ZDBF2: variants seen among roughly 807,000 people sequenced by gnomAD.
ZDBF2 encodes DBF4-type zinc finger-containing protein 2.
In ZDBF2, 6 loss-of-function variants were observed where a neutral mutation model predicts 9.4. The ratio of observed to expected loss-of-function variants is 0.64; its 90% CI spans 0.35 to 1.27. ZDBF2 has a LOEUF of 1.27. Among genes scored for constraint, ZDBF2 ranks in the 50% most tolerant of loss-of-function variants. ZDBF2 has a pLI of 0.03. For missense variants in ZDBF2, 2,697 were observed against 2,766.8 expected (o/e 0.97, Z 0.57); for synonymous variants, 905 against 946.3 (o/e 0.96, Z 0.80).
In ZDBF2 at chr2:206,281,781, T is replaced by G. The variant is rs534373788; in HGVS notation, c.-49-20T>G. ...GAGTAAGGAATTATGATTTTTACCA[T>G]TTTTCTTTTTGTTTTTCAGCTTGAG... On this transcript the variant is annotated intron_variant, in intron 2 of 4. Coordinates refer to ENST00000374423, the MANE Select transcript of ZDBF2 (RefSeq NM_020923.3). 6.9e-7 allele frequency: 1 copy of G among 1,455,804 alleles called. No individual in the cohort carries two copies. The highest frequency in any genetic ancestry group is 1.9e-5 in the Admixed American group (1 of 53,676). 90.2% of individuals were successfully genotyped at this position (1,455,804 alleles called of 1,614,324 possible).
chr2:206,308,604 G>C lies in ZDBF2; in HGVS notation c.4076G>C (p.Ser1359Thr), dbSNP rs754989430. The change falls in exon 5 of 5, where the codon AGT (serine) becomes ACT (threonine). Residue 1359 changes from serine (S) to threonine (T), a missense_variant. Physicochemically the swap from Ser to Thr is moderately conservative, Grantham distance 58. Coordinates refer to ENST00000374423, the MANE Select transcript of ZDBF2 (RefSeq NM_020923.3). ...EEHASLEDKSSNSYSPEESSD... is the reference protein window; with the variant it reads ...EEHASLEDKSTNSYSPEESSD... The stretch of plus-strand genomic sequence containing the variant: ...CATGCCAGTCTGGAAGATAAGAGCA[G>C]TAATTCTTATAGTCCTGAAGAAAGT... 1 of 1,613,286 alleles carries C rather than the reference G, an allele frequency of 6.2e-7. No homozygotes were observed. Among genetic ancestry groups the C allele is most frequent in the Non-Finnish European group, 8.5e-7 (1 of 1,179,834 alleles).
chr2:206,285,071 A>G (rs569002022), intron 3 of ZDBF2, among the ~76,000 whole-genome samples: 13 of 152,260 alleles, frequency 8.5e-5, no homozygotes, highest in Middle Eastern at 3.4e-3. Context: ...GATTGATTCT[A>G]TATCTTAGCT....
chr2:206,306,820 G>T lies in ZDBF2; in HGVS notation c.2292G>T (p.Gln764His). Residue 764 changes from glutamine to histidine, a missense_variant, in exon 5 of 5, where the codon CAG becomes CAT. Transcript: ENST00000374423. Reference protein sequence around the residue: ...SDPPLLSVTEQSHLDAEGKER... With the variant: ...SDPPLLSVTEHSHLDAEGKER... Reference sequence around the variant, plus strand: ...CGCCTCTTCTGTCAGTTACTGAGCAGTCTCATCTGGATGCTGAAGGAAAAG... The same window carrying T: ...CGCCTCTTCTGTCAGTTACTGAGCATTCTCATCTGGATGCTGAAGGAAAAG... The T allele has an allele frequency of 6.2e-7, 1 of 1,613,884 alleles. No homozygotes were observed. Among genetic ancestry groups the T allele is most frequent in the Admixed American group, 1.7e-5 (1 of 60,020 alleles).
At position 206,308,156 on chromosome 2, in the gene ZDBF2, G is replaced by A; in HGVS notation, c.3628G>A (p.Val1210Met). 1 of 1,613,928 alleles carries A rather than the reference G, an allele frequency of 6.2e-7. No individual in the cohort carries two copies. The highest frequency in any genetic ancestry group is 1.1e-5 in the South Asian group (1 of 91,068). ...SFDSDDPLQS[V>M]ADRLRETVKE... ...TGATTCTGATGACCCTCTTCAGTCA[G>A]TGGCTGACCGGCTGAGAGAAACCGT... Residue 1210 changes from valine (V) to methionine (M), a missense_variant, in exon 5 of 5, where the codon GTG becomes ATG. Around this residue, in one of 3 missense-constraint regions of ZDBF2, gnomAD observed 1,783 missense variants for 1,776.5 expected, o/e 1.00. Transcript: ENST00000374423.
intron 3 of ZDBF2, among the ~76,000 whole-genome samples, chr2:206,289,477 C>G (rs1453357626): frequency 9.1e-6 from 1 of 109,814 alleles, no homozygotes; most frequent in Non-Finnish European, 2.3e-5. Context: ...GAAGTGGCTT[C>G]ACTTCTTCTT....
intron 3 of ZDBF2, among the ~76,000 whole-genome samples, chr2:206,286,090 T>C (rs1691585701): frequency 6.6e-6 from 1 of 152,234 alleles, no homozygotes; most frequent in Non-Finnish European, 1.5e-5. Flanking sequence ...TTCAATTCTT[T>C]TGTATTTGGA....
intron 3 of ZDBF2, chr2:206,292,063 A>G (rs1691924358): frequency 2.5e-6 from 1 of 398,290 alleles, no homozygotes; most frequent in South Asian, 1.3e-4. Context: ...CAGAAGGAAA[A>G]TGATTCCCGA....
rs369845735 is a variant in ZDBF2, at chr2:206,309,807, C to T, written c.5279C>T (p.Thr1760Ile). 36 of 1,613,730 alleles carry T rather than the reference C, an allele frequency of 2.2e-5. No individual in the cohort carries two copies. The African/African-American group carries it at 4.4e-4, about 20-fold the overall frequency. Residue 1760 changes from threonine (T) to isoleucine (I), a missense_variant, in exon 5 of 5, where the codon ACT (threonine) becomes ATT (isoleucine). Thr to Ile is a moderately conservative substitution (Grantham distance 89). This residue lies in a region of ZDBF2 where 1,783 missense variants were observed against 1,776.5 expected (regional missense o/e 1.00). Coordinates refer to ENST00000374423, the MANE Select transcript of ZDBF2 (RefSeq NM_020923.3). ...FQCAPPLPSD[T>I]DQPQETVKKR... ...TGTGCTCCCCCTCTTCCATCTGATA[C>T]TGATCAGCCTCAAGAAACTGTTAAG...
Position 206,285,095 on chromosome 2 carries a change from C to T in ZDBF2, c.60+3186C>T, listed in dbSNP as rs1435997922. ...TATATCTTAGCTATTGTGAACAGTG[C>T]TGTAGTAATAAACATGGGGATGCAG... On this transcript the variant is annotated intron_variant, in intron 3 of 4. Coordinates refer to ENST00000374423, the MANE Select transcript of ZDBF2 (RefSeq NM_020923.3). Among the ~76,000 whole-genome samples the T allele has an allele frequency of 2.6e-5, 4 of 152,264 alleles. No homozygotes were observed. The East Asian group carries it at 7.7e-4, about 29-fold the overall frequency.
Position 206,307,728 on chromosome 2 carries a change from A to T in ZDBF2, c.3200A>T (p.Asn1067Ile), listed in dbSNP as rs762798841. 1 of 1,613,630 alleles carries T rather than the reference A, an allele frequency of 6.2e-7. No homozygotes were observed. The highest frequency in any genetic ancestry group is 1.7e-5 in the Admixed American group (1 of 59,976). ...QLAFLKEKHV[N>I]LKDKNSKSGD... is the part of the protein sequence containing the mutation. ...GCTTTTTTGAAGGAAAAACATGTTA[A>T]TCTGAAGGACAAAAACAGTAAATCA... Residue 1067 changes from asparagine to isoleucine, a missense_variant, in exon 5 of 5, where the codon AAT becomes ATT. Physicochemically the swap from Asn to Ile is moderately radical, Grantham distance 149. Coordinates refer to ENST00000374423, the MANE Select transcript of ZDBF2 (RefSeq NM_020923.3).
intron 3 of ZDBF2, among the ~76,000 whole-genome samples, chr2:206,292,560 A>C (rs1691950857): frequency 6.6e-6 from 1 of 152,176 alleles, no homozygotes; most frequent in Non-Finnish European, 1.5e-5. Context: ...AGAAAAATAA[A>C]AATGATAAAG....
chr2:206,309,888 C>T lies in ZDBF2; in HGVS notation c.5360C>T (p.Ser1787Phe), dbSNP rs577548128. Residue 1787 changes from serine to phenylalanine, a missense_variant, in exon 5 of 5, where the codon TCC becomes TTC. Transcript: ENST00000374423. ...SSDLKEKNHD[S>F]QSSSVLKVDS... is the part of the protein sequence containing the mutation. ...GACTTGAAAGAAAAGAACCATGATT[C>T]CCAGTCAAGCTCTGTTCTCAAGGTT... The T allele has an allele frequency of 2.5e-6, 4 of 1,613,926 alleles. No individual in the cohort carries two copies. The East Asian group carries it at 6.7e-5, about 27-fold the overall frequency.
Position 206,305,206 on chromosome 2 carries a change from A to T in ZDBF2, c.678A>T (p.Lys226Asn). ...AATGTGACCCAAACAAAGTTGAGAA[A>T]TATCTTGAACAGCCAGATGGGGCCT... ...VSKCDPNKVE[K>N]YLEQPDGASR... Residue 226 changes from lysine to asparagine, a missense_variant, in exon 5 of 5, where the codon AAA becomes AAT. By Grantham distance (94) the Lys-to-Asn change is moderately conservative. Coordinates refer to ENST00000374423, the MANE Select transcript of ZDBF2 (RefSeq NM_020923.3). The T allele has an allele frequency of 6.2e-7, 1 of 1,613,858 alleles. No homozygotes were observed. Among genetic ancestry groups the T allele is most frequent in the Non-Finnish European group, 8.5e-7 (1 of 1,179,824 alleles).
In ZDBF2 at chr2:206,310,310, A is replaced by G. The variant is rs942711834; in HGVS notation, c.5782A>G (p.Lys1928Glu). ...TCATCCTCCAGCAGAGAGGCCTCCT[A>G]AGCAAAAGGGGCGTGTGGCTTCTCA... ...HRHPPAERPPKQKGRVASQCQ... is the reference protein window; with the variant it reads ...HRHPPAERPPEQKGRVASQCQ... Residue 1928 changes from lysine (K) to glutamate (E), a missense_variant, in exon 5 of 5, where the codon AAG becomes GAG. By Grantham distance (56) the Lys-to-Glu change is moderately conservative. Coordinates refer to ENST00000374423, the MANE Select transcript of ZDBF2 (RefSeq NM_020923.3). 1.9e-6 allele frequency: 3 copies of G among 1,613,850 alleles called. No homozygotes were observed. The highest frequency in any genetic ancestry group is 1.3e-5 in the African/African-American group (1 of 74,914).
chr2:206,281,188 T>C (rs74895529), intron 2 of ZDBF2, among the ~76,000 whole-genome samples: 13,275 of 152,274 alleles, frequency 0.087, 830 homozygotes, highest in Admixed American at 0.19. Flanking sequence ...TAGAGAAATC[T>C]AAACAGTAAT....
intron 3 of ZDBF2, among the ~76,000 whole-genome samples, chr2:206,289,727 C>T (rs373837502): frequency 6.6e-6 from 1 of 152,136 alleles, no homozygotes; most frequent in Non-Finnish European, 1.5e-5. Context: ...GTGGTGTTGA[C>T]CCCAGACGGC....
rs953386937 is a variant in ZDBF2 at position 206,314,372 on chromosome 2, G to A, written c.*2779G>A. 1 of 149,616 alleles carries A rather than the reference G, an allele frequency of 6.7e-6. No homozygotes were observed. The highest frequency in any genetic ancestry group is 2.5e-5 in the African/African-American group (1 of 40,520). 9.3% of individuals were successfully genotyped at this position (149,616 alleles called of 1,614,324 possible). The stretch of plus-strand genomic sequence containing the variant: ...ACTAATGTATTTTTTATATTGCAGT[G>A]TAAAAGCTAAACTTGTTTTTGATGT... On this transcript the variant is annotated 3_prime_UTR_variant, in exon 5 of 5. Transcript: ENST00000374423.
Position 206,307,831 on chromosome 2 carries a change from T to A in ZDBF2, c.3303T>A (p.Val1101=), listed in dbSNP as rs768541243. The A allele has an allele frequency of 6.2e-7, 1 of 1,612,150 alleles. No homozygotes were observed. The highest frequency in any genetic ancestry group is 1.1e-5 in the South Asian group (1 of 90,458). Reference sequence around the variant, plus strand: ...AAATAGACCAATGGAAGGAAGAGGTTATTGGCCTGAAAAATAAGATTAATG... The same window carrying A: ...AAATAGACCAATGGAAGGAAGAGGTAATTGGCCTGAAAAATAAGATTAATG... ...VKKIDQWKEE[V]IGLKNKINEP... The change falls in exon 5 of 5, where the codon GTT becomes GTA. Residue 1101 remains valine (V), a synonymous_variant. Transcript: ENST00000374423.
intron 3 of ZDBF2, among the ~76,000 whole-genome samples, chr2:206,291,487 G>A (rs183026713): frequency 6.6e-6 from 1 of 152,260 alleles, no homozygotes; most frequent in East Asian, 1.9e-4. Context: ...TCCTCCTGTA[G>A]CAGAGGGAGA....
Sources: allele counts gnomAD v4.1 joint callset (sites outside exome capture counted in the v4.1 genomes callset), GRCh38; gene constraint gnomAD v4.1.1; regional missense constraint gnomAD v4.1.1; transcripts MANE v1.5; gene names NCBI Gene and HGNC (gene_info 2026-07-23, HGNC 2026-07-21).